PDE8B: variants seen among roughly 807,000 people sequenced by gnomAD.
PDE8B encodes phosphodiesterase 8B.
Under a neutral mutation model 101.3 loss-of-function variants are expected in PDE8B, and 26 were observed. That is an observed-to-expected ratio of 0.26 (90% CI 0.19 to 0.36). PDE8B has a LOEUF of 0.36. PDE8B is among the 10% of genes least tolerant of loss of function. The pLI, the probability that PDE8B is intolerant of heterozygous loss-of-function variation, is 1.00. For synonymous variants in PDE8B, 424 were observed against 429.3 expected (o/e 0.99, Z 0.15); for missense variants, 810 against 1,163.1 (o/e 0.70, Z 4.42).
chr5:77,255,877 A>T (rs1312518725), intron 1 of PDE8B, among the ~76,000 whole-genome samples: 1 of 152,124 alleles, frequency 6.6e-6, no homozygotes, highest in East Asian at 1.9e-4. Flanking sequence ...CTGCCAGTTC[A>T]CTGTGGTTTG....
At chr5:77,214,659 T>C (rs995911818) in intron 1 of PDE8B, among the ~76,000 whole-genome samples, 1 of 152,176 alleles carries the variant, frequency 6.6e-6, no homozygotes, top group Non-Finnish European at 1.5e-5. Context: ...TGGTAAATAA[T>C]AATGAGATTT....
At chr5:77,197,041 T>C in the PDE8B span, among the ~76,000 whole-genome samples, 4 of 100,032 alleles carry the variant, frequency 4.0e-5, no homozygotes, top group African/African-American at 1.2e-4. Context: ...CTAATTGATG[T>C]ATTTTTATCT....
chr5:77,421,192 AG>A (rs1441599374), intron 19 of PDE8B, among the ~76,000 whole-genome samples: 1 of 152,182 alleles, frequency 6.6e-6, no homozygotes, highest in African/African-American at 2.4e-5. Context: ...TCCTACTCCA[AG>A]GACCCCACGC....
intron 10 of PDE8B, among the ~76,000 whole-genome samples, chr5:77,374,803 G>A (rs6453304): frequency 0.17 from 26,148 of 152,120 alleles, 2,294 homozygotes; most frequent in East Asian, 0.26. Flanking sequence ...ACTGAAGATC[G>A]GTGAGAAGGC....
intron 1 of PDE8B, among the ~76,000 whole-genome samples, chr5:77,281,381 A>G (rs1764965219): frequency 6.6e-6 from 1 of 152,186 alleles, no homozygotes. Context: ...AAACAACAAA[A>G]CATTATTCTC....
At chr5:77,377,371 G>T (rs1352191371) in intron 10 of PDE8B, among the ~76,000 whole-genome samples, 1 of 152,194 alleles carries the variant, frequency 6.6e-6, no homozygotes, top group Non-Finnish European at 1.5e-5. Context: ...CTGGGAGCTT[G>T]TTAAACATGC....
At chr5:77,419,953 C>G in intron 19 of PDE8B, 66 bp downstream of exon 19, 2 of 1,578,584 alleles carry the variant, frequency 1.3e-6, no homozygotes, top group South Asian at 1.1e-5. Flanking sequence ...TGCTCTGGCC[C>G]TGAAGCATTT....
the PDE8B span, among the ~76,000 whole-genome samples, chr5:77,186,452 A>G: frequency 0.06 from 9,097 of 152,212 alleles, 954 homozygotes; most frequent in African/African-American, 0.21. Flanking sequence ...TTCCTCTCCC[A>G]TTTTAATGAC....
chr5:77,151,183 C>G, the PDE8B span: 1 of 152,228 alleles, frequency 6.6e-6, no homozygotes. Flanking sequence ...TGTGATGCTC[C>G]TGATTCATTC....
At chr5:77,178,577 G>T in the PDE8B span, among the ~76,000 whole-genome samples, 2 of 152,110 alleles carry the variant, frequency 1.3e-5, no homozygotes, top group Non-Finnish European at 2.9e-5. Context: ...TTTTCCTTCT[G>T]TGGAAGGACA....
chr5:77,305,723 A>G (rs1771049151), intron 1 of PDE8B, among the ~76,000 whole-genome samples: 1 of 152,150 alleles, frequency 6.6e-6, no homozygotes, highest in African/African-American at 2.4e-5. Flanking sequence ...TTGGCCTGAG[A>G]ATGGAGGGTG....
intron 9 of PDE8B, among the ~76,000 whole-genome samples, chr5:77,352,621 C>T (rs1217734393): frequency 6.6e-6 from 1 of 152,128 alleles, no homozygotes; most frequent in Admixed American, 6.5e-5. Context: ...TTTCAGAGGC[C>T]TACAGAGAAA....
chr5:77,416,605 T>C (rs1795612215), intron 17 of PDE8B, among the ~76,000 whole-genome samples: 1 of 152,202 alleles, frequency 6.6e-6, no homozygotes, highest in Non-Finnish European at 1.5e-5. Context: ...GTTGTGTTGA[T>C]TGGGGTCACC....
At chr5:77,152,881 C>G in the PDE8B span, among the ~76,000 whole-genome samples, 2 of 152,126 alleles carry the variant, frequency 1.3e-5, no homozygotes, top group Admixed American at 1.3e-4. Context: ...AGGAGAGAAT[C>G]TCCTGCTTAT....
At chr5:77,197,109 C>CTT in the PDE8B span, among the ~76,000 whole-genome samples, 1,505 of 94,642 alleles carry the variant, frequency 0.016, 61 homozygotes, top group Admixed American at 0.076. Flanking sequence ...TTAAAAAAAA[C>CTT]TTTTTTTTTT....
chr5:77,168,317 C>T, the PDE8B span, among the ~76,000 whole-genome samples: 2 of 152,218 alleles, frequency 1.3e-5, no homozygotes, highest in Admixed American at 6.5e-5. Flanking sequence ...CAGGCTGTTC[C>T]TTCCTGGCAC....
the PDE8B span, chr5:77,111,951 T>A: frequency 6.6e-6 from 1 of 152,160 alleles, no homozygotes; most frequent in African/African-American, 2.4e-5. Flanking sequence ...GTTCATCTCC[T>A]GTAAATCTTT....
At chr5:77,395,623 G>A (rs989919341) in intron 10 of PDE8B, among the ~76,000 whole-genome samples, 5 of 151,834 alleles carry the variant, frequency 3.3e-5, no homozygotes, top group African/African-American at 1.2e-4. Context: ...GTTTTTATTA[G>A]CATCTGTAAG....
the PDE8B span, among the ~76,000 whole-genome samples, chr5:77,124,346 C>T: frequency 1.3e-5 from 2 of 152,068 alleles, no homozygotes; most frequent in African/African-American, 4.8e-5. Context: ...TACCAGCTCT[C>T]TGGGAGGCTG....
Sources: allele counts gnomAD v4.1 joint callset (sites outside exome capture counted in the v4.1 genomes callset), GRCh38; gene constraint gnomAD v4.1.1; transcripts MANE v1.5; gene names NCBI Gene and HGNC (gene_info 2026-07-23, HGNC 2026-07-21).